MAP3K4: variants seen among roughly 807,000 people sequenced by gnomAD.
MAP3K4 encodes MAP three kinase 1.
A neutral mutation model predicts 185.6 loss-of-function variants in MAP3K4; 67 were observed. The ratio of observed to expected loss-of-function variants is 0.36; its 90% CI spans 0.30 to 0.44. MAP3K4 has a LOEUF of 0.44. MAP3K4 is among the 20% of genes least tolerant of loss of function. The pLI is 1.00. For missense variants in MAP3K4, 1,551 were observed against 1,995.1 expected, an observed-to-expected ratio of 0.78 and a Z score of 4.24; for synonymous variants, 702 against 710.4, an observed-to-expected ratio of 0.99 and a Z score of 0.19.
chr6:161,016,653 A>G (rs2115097515), intron 1 of MAP3K4, among the ~76,000 whole-genome samples: 1 of 152,336 alleles, frequency 6.6e-6, no homozygotes, highest in Non-Finnish European at 1.5e-5. Flanking sequence ...GACCCTAGAC[A>G]TACGAGTTTA....
rs1298742135 is a variant in MAP3K4 at position 160,991,818 on chromosome 6, C to T, written c.-114C>T. The T allele has an allele frequency of 3.7e-5, 44 of 1,203,192 alleles. No homozygotes were observed. Among genetic ancestry groups the T allele is most frequent in the Non-Finnish European group, 4.7e-5 (44 of 926,692 alleles). The allele number at this position is 1,203,192 out of a possible 1,614,324, so 74.5% of individuals were successfully genotyped here. On this transcript the variant is annotated 5_prime_UTR_variant, in exon 1 of 27. Transcript: ENST00000392142. This position sits in a 1 kb window ranked among gnomAD's most constrained non-coding sequence, Gnocchi z 5.7. ...ATGGCCGCGGCGCGCACGGCTCCTG[C>T]GGCGGGGTAGAGGCGGAGGCGGAGT...
chr6:161,047,426 T>A (rs1783783863), intron 2 of MAP3K4, among the ~76,000 whole-genome samples: 1 of 152,034 alleles, frequency 6.6e-6, no homozygotes. Context: ...ATGAAAAATA[T>A]TGGCAAATAT....
rs578084165 is a variant in MAP3K4 at position 161,034,997 on chromosome 6, C to T, written c.343+548C>T. On this transcript the variant is annotated intron_variant, in intron 2 of 26. Transcript: ENST00000392142. This position sits in a 1 kb window ranked among gnomAD's most constrained non-coding sequence, Gnocchi z 4.4. ...TTCTACTTTTCTCTTTATTTAGGAT[C>T]GTAAAGTCCACATATTGCTCTATTA... Among the ~76,000 whole-genome samples the T allele has an allele frequency of 7.0e-4, 106 of 152,240 alleles. No homozygotes were observed. Among genetic ancestry groups the T allele is most frequent in the Middle Eastern group, 3.4e-3 (1 of 294 alleles).
intron 2 of MAP3K4, among the ~76,000 whole-genome samples, chr6:161,038,062 C>G (rs951135193): frequency 1.2e-4 from 18 of 152,064 alleles, no homozygotes; most frequent in African/African-American, 4.3e-4. Flanking sequence ...CTGCCTTTCT[C>G]ACGCTTTCTC....
At chr6:161,095,945 T>G (rs1187388317) in intron 15 of MAP3K4, among the ~76,000 whole-genome samples, 1 of 152,174 alleles carries the variant, frequency 6.6e-6, no homozygotes, top group African/African-American at 2.4e-5. Context: ...GTAGGAAAAT[T>G]TTTACTAATT....
intron 1 of MAP3K4, among the ~76,000 whole-genome samples, chr6:161,002,910 T>C (rs531466437): frequency 6.6e-6 from 1 of 152,182 alleles, no homozygotes; most frequent in Admixed American, 6.5e-5. Context: ...CTTTTCTGTG[T>C]ATTTTTTTTA....
chr6:161,049,535 C>T lies in MAP3K4; in HGVS notation c.1263C>T (p.Asp421=), dbSNP rs1179892765. 6.2e-7 allele frequency: 1 copy of T among 1,614,152 alleles called. No individual in the cohort carries two copies. The highest frequency in any genetic ancestry group is 2.2e-5 in the East Asian group (1 of 44,888). ...GTVLGIKNLS[D]IGWPVFEIPS... ...TTTTGGGCATCAAGAATTTATCAGA[C>T]ATTGGCTGGCCAGTGTTTGAAATCC... The change falls in exon 3 of 27, where the codon GAC becomes GAT. Residue 421 remains aspartate, a synonymous_variant. Coordinates refer to ENST00000392142, the MANE Select transcript of MAP3K4 (RefSeq NM_005922.4). This position sits in a 1 kb window ranked among gnomAD's most constrained non-coding sequence, Gnocchi z 8.4.
chr6:161,087,551 G>T lies in MAP3K4; in HGVS notation c.2557-137G>T, dbSNP rs1785793284. Reference sequence around the variant, plus strand: ...GTCACACTGAAGCCGGCTACCTGCAGTTCCCTCACTGCTCCAATTCATGCC... The same window carrying T: ...GTCACACTGAAGCCGGCTACCTGCATTTCCCTCACTGCTCCAATTCATGCC... On this transcript the variant is annotated intron_variant, in intron 9 of 26. Transcript: ENST00000392142. This position sits in a 1 kb window ranked among gnomAD's most constrained non-coding sequence, Gnocchi z 4.9. 7.2e-6 allele frequency: 6 copies of T among 829,222 alleles called. No homozygotes were observed. The highest frequency in any genetic ancestry group is 1.7e-5 in the African/African-American group (1 of 58,518). The allele number at this position is 829,222 out of a possible 1,614,324, so 51.4% of individuals were successfully genotyped here. A position where few individuals can be genotyped will look rare whatever the true frequency, so the allele number is the denominator to read the frequency against.
intron 1 of MAP3K4, among the ~76,000 whole-genome samples, chr6:161,024,031 A>G (rs1220583249): frequency 3.3e-5 from 5 of 152,122 alleles, no homozygotes; most frequent in Non-Finnish European, 7.4e-5. Flanking sequence ...CAGTGGTGTG[A>G]TCATGGCTCA....
In MAP3K4 at chr6:161,020,162, A is replaced by C. The variant is rs9458096; in HGVS notation, c.153-14097A>C. The stretch of plus-strand genomic sequence containing the variant: ...ACATGTCACTGTGAGATATTTCTAA[A>C]AGAGAAACTTGCTAAATGTGTGATA... On this transcript the variant is annotated intron_variant, in intron 1 of 26. Coordinates refer to ENST00000392142, the MANE Select transcript of MAP3K4 (RefSeq NM_005922.4). Among the ~76,000 whole-genome samples, 1,191 of 152,346 alleles carry C rather than the reference A, an allele frequency of 7.8e-3. 7 individuals carry two copies. The highest frequency in any genetic ancestry group is 0.011 in the Non-Finnish European group (727 of 68,034).
At position 161,081,021 on chromosome 6, in the gene MAP3K4, G is replaced by A; in HGVS notation, c.2238G>A (p.Gln746=). The change falls in exon 6 of 27, where the codon CAG becomes CAA. Residue 746 remains glutamine (Q), a synonymous_variant. Coordinates refer to ENST00000392142, the MANE Select transcript of MAP3K4 (RefSeq NM_005922.4). The stretch of plus-strand genomic sequence containing the variant: ...ATTACATACGGGGAGGAGAAGCACA[G>A]GCCGGGAAGCTTTTCTGGTAGGAAT... ...ITHYIRGGEA[Q]AGKLFCDIAG... 2 of 1,614,014 alleles carry A rather than the reference G, an allele frequency of 1.2e-6. No individual in the cohort carries two copies. Among genetic ancestry groups the A allele is most frequent in the Non-Finnish European group, 8.5e-7 (1 of 1,180,004 alleles).
intron 1 of MAP3K4, among the ~76,000 whole-genome samples, chr6:161,012,154 T>A (rs879594040): frequency 1.3e-5 from 2 of 152,196 alleles, no homozygotes; most frequent in Admixed American, 6.5e-5. Flanking sequence ...TGCTTTAAGC[T>A]TGAAATCCAG....
chr6:161,042,187 G>A (rs920247985), intron 2 of MAP3K4, among the ~76,000 whole-genome samples: 5 of 152,112 alleles, frequency 3.3e-5, no homozygotes, highest in African/African-American at 1.2e-4. Context: ...CTTAGCAGCA[G>A]GATGTTAGTG....
chr6:161,110,389 T>C lies in MAP3K4; in HGVS notation c.4396+475T>C, dbSNP rs532148849. 7.4e-4 allele frequency among the ~76,000 whole-genome samples: 113 copies of C among 152,334 alleles called. No individual in the cohort carries two copies. The highest frequency in any genetic ancestry group is 2.6e-3 in the African/African-American group (109 of 41,576). On this transcript the variant is annotated intron_variant, in intron 23 of 26. Transcript: ENST00000392142. This position sits in a 1 kb window ranked among gnomAD's most constrained non-coding sequence, Gnocchi z 4.8. ...CACAAACCTTGAAATTGAGTTCTGC[T>C]GAAGGTTATTTTGGCCATGCTGATG...
intron 3 of MAP3K4, among the ~76,000 whole-genome samples, chr6:161,066,180 A>T (rs1784704436): frequency 6.6e-6 from 1 of 152,122 alleles, no homozygotes; most frequent in African/African-American, 2.4e-5. Context: ...ACTAGACTCT[A>T]CCATAACCAT....
At position 161,098,261 on chromosome 6, in the gene MAP3K4, T is replaced by G; in HGVS notation, c.3525-17T>G. 1 of 1,606,310 alleles carries G rather than the reference T, an allele frequency of 6.2e-7. No individual in the cohort carries two copies. The highest frequency in any genetic ancestry group is 8.5e-7 in the Non-Finnish European group (1 of 1,175,240). ...CTCTTCTCACATGTGTTCCTGAAGCTTTTCTTCTTGTCTTAGCACTCGGAG... is the reference window on the plus strand; with the variant it reads ...CTCTTCTCACATGTGTTCCTGAAGCGTTTCTTCTTGTCTTAGCACTCGGAG... On this transcript the variant is annotated splice_polypyrimidine_tract_variant and intron_variant, in intron 16 of 26. Transcript: ENST00000392142. This position sits in a 1 kb window ranked among gnomAD's most constrained non-coding sequence, Gnocchi z 4.4.
chr6:161,082,426 TTG>T lies in MAP3K4; in HGVS notation c.2255+1392_2255+1393del, dbSNP rs1394178061. Reference sequence around the variant, plus strand: ...TACCCTCACTTCCTCTTGTCAGTCTTTGTGTTTCTATCTTTTGCTTGTCCTTC... The same window carrying T: ...TACCCTCACTTCCTCTTGTCAGTCTTTGTTTCTATCTTTTGCTTGTCCTTC... On this transcript the variant is annotated intron_variant, in intron 6 of 26. Coordinates refer to ENST00000392142, the MANE Select transcript of MAP3K4 (RefSeq NM_005922.4). This position sits in a 1 kb window ranked among gnomAD's most constrained non-coding sequence, Gnocchi z 4.2. Among the ~76,000 whole-genome samples the T allele has an allele frequency of 2.0e-5, 1 of 49,568 alleles. No homozygotes were observed. Among genetic ancestry groups the T allele is most frequent in the East Asian group, 1.1e-3 (1 of 950 alleles). 32.5% of individuals were successfully genotyped at this position (49,568 alleles called of 152,430 possible).
chr6:161,082,458 T>A lies in MAP3K4; in HGVS notation c.2255+1420T>A, dbSNP rs540916476. On this transcript the variant is annotated intron_variant, in intron 6 of 26. Transcript: ENST00000392142. The surrounding 1 kb of genome is among the most constrained non-coding windows in gnomAD (Gnocchi z 4.2). ...TCTATCTTTTGCTTGTCCTTCAAATTCCCTAGAGTGCAGTCTCTGGCCTTT... is the reference window on the plus strand; with the variant it reads ...TCTATCTTTTGCTTGTCCTTCAAATACCCTAGAGTGCAGTCTCTGGCCTTT... Among the ~76,000 whole-genome samples the A allele has an allele frequency of 1.3e-5, 2 of 152,088 alleles. No individual in the cohort carries two copies. The highest frequency in any genetic ancestry group is 4.2e-4 in the South Asian group (2 of 4,808).
At position 161,091,741 on chromosome 6, in the gene MAP3K4, A is replaced by G. The variant is rs1299405294; in HGVS notation, c.3135+201A>G. On this transcript the variant is annotated intron_variant, in intron 12 of 26. Transcript: ENST00000392142. This position sits in a 1 kb window ranked among gnomAD's most constrained non-coding sequence, Gnocchi z 5.5. ...AATTGTCCAACTTTTATTTTGTGCTAACAGCCATCTACTTACATTTTAAAA... is the reference window on the plus strand; with the variant it reads ...AATTGTCCAACTTTTATTTTGTGCTGACAGCCATCTACTTACATTTTAAAA... Among the ~76,000 whole-genome samples the G allele has an allele frequency of 1.3e-5, 2 of 152,176 alleles. No homozygotes were observed. The highest frequency in any genetic ancestry group is 2.4e-5 in the African/African-American group (1 of 41,452).
Sources: allele counts gnomAD v4.1 joint callset (sites outside exome capture counted in the v4.1 genomes callset), GRCh38; gene constraint gnomAD v4.1.1; non-coding constraint Gnocchi (gnomAD v3.1); transcripts MANE v1.5; gene names NCBI Gene and HGNC (gene_info 2026-07-23, HGNC 2026-07-21).